Variants in CYFIP1 observed in about 807,000 individuals in gnomAD.
CYFIP1 encodes the protein cytoplasmic FMR1-interacting protein 1.
In CYFIP1, 58 loss-of-function variants were observed where a neutral mutation model predicts 163.5. The ratio of observed to expected loss-of-function variants is 0.35; its 90% CI spans 0.29 to 0.44. The LOEUF (loss-of-function observed/expected upper bound fraction) is 0.44. CYFIP1 is among the 20% of genes least tolerant of loss of function. The pLI is 1.00. For missense variants in CYFIP1, 1,338 were observed against 1,653.8 expected (o/e 0.81, Z 3.31); for synonymous variants, 663 against 660.7 (o/e 1.00, Z -0.05).
At chr15:22,954,881 C>T (rs1329611380) in intron 1 of CYFIP1, among the ~76,000 whole-genome samples, 2 of 152,052 alleles carry the variant, frequency 1.3e-5, no homozygotes, top group Non-Finnish European at 2.9e-5. Context: ...CCTCAGAGTC[C>T]CGGGTCAATC....
At chr15:22,889,448 G>C (rs1487583846) in intron 23 of CYFIP1, among the ~76,000 whole-genome samples, 1 of 152,168 alleles carries the variant, frequency 6.6e-6, no homozygotes, top group Admixed American at 6.5e-5. Context: ...AGAAAATCCT[G>C]GAGAATAAAA....
Position 22,873,425 on chromosome 15 carries a change from C to T in CYFIP1, c.3449+66G>A, listed in dbSNP as rs573990425. 253 of 1,351,100 alleles carry T rather than the reference C, an allele frequency of 1.9e-4. 2 individuals carry two copies. Among genetic ancestry groups the T allele is most frequent in the Middle Eastern group, 1.9e-4 (1 of 5,244 alleles). 83.7% of individuals were successfully genotyped at this position (1,351,100 alleles called of 1,614,324 possible). ...TGGCTGGCTGCTTGTTAGCCTAACA[C>T]GCCTCCCCTCCCCCACAGCTCCTCC... On this transcript the variant is annotated intron_variant, in intron 29 of 30. Coordinates refer to ENST00000617928, the MANE Select transcript of CYFIP1 (RefSeq NM_014608.6).
intron 1 of CYFIP1, among the ~76,000 whole-genome samples, chr15:22,960,628 T>C (rs1397754359): frequency 6.6e-6 from 1 of 152,234 alleles, no homozygotes; most frequent in South Asian, 2.1e-4. Context: ...ATATAAATCT[T>C]TTCCACCATT....
At chr15:22,932,411 A>G in intron 10 of CYFIP1, 71 bp from the exon 11 acceptor site, 1 of 1,072,432 alleles carries the variant, frequency 9.3e-7, no homozygotes, top group Admixed American at 3.3e-5. Flanking sequence ...GCAGCTCAGG[A>G]CGCCTGTTTG....
intron 26 of CYFIP1, among the ~76,000 whole-genome samples, chr15:22,878,211 G>A (rs2059639799): frequency 6.6e-6 from 1 of 152,230 alleles, no homozygotes; most frequent in African/African-American, 2.4e-5. Flanking sequence ...AAACAGGGCA[G>A]AGCAGAGAGC....
chr15:22,920,112 A>C (rs2061122916), intron 13 of CYFIP1, among the ~76,000 whole-genome samples: 3 of 151,906 alleles, frequency 2.0e-5, no homozygotes, highest in Non-Finnish European at 2.9e-5. Context: ...AACAAACAAA[A>C]AAAACCTTTT....
chr15:22,875,400 A>AC, intron 26 of CYFIP1, 129 bp from the exon 27 acceptor site: 2 of 816,398 alleles, frequency 2.4e-6, no homozygotes, highest in Non-Finnish European at 4.2e-6. Context: ...TATCTCTGTC[A>AC]AGAGATTTCT....
In CYFIP1 at chr15:22,933,801, C is replaced by G; in HGVS notation, c.992+1G>C. On this transcript the variant is annotated splice_donor_variant, in intron 10 of 30. Coordinates refer to ENST00000617928, the MANE Select transcript of CYFIP1 (RefSeq NM_014608.6). LOFTEE classifies it high-confidence loss of function. ...ACCAGGCAGCTTTCCTCTCCTCCTA[C>G]CGAGATTTATTTTCCTCGTAGTGGG... The G allele has an allele frequency of 6.2e-7, 1 of 1,611,548 alleles. No homozygotes were observed. The highest frequency in any genetic ancestry group is 8.5e-7 in the Non-Finnish European group (1 of 1,178,648).
chr15:22,894,680 CTTAAT>C (rs910391307), intron 22 of CYFIP1, among the ~76,000 whole-genome samples: 13 of 151,506 alleles, frequency 8.6e-5, no homozygotes, highest in African/African-American at 3.2e-4. Context: ...GAAAGCAGGC[CTTAAT>C]TTATTTTGTC....
At chr15:22,945,907 A>G (rs2062043370) in intron 3 of CYFIP1, among the ~76,000 whole-genome samples, 1 of 152,194 alleles carries the variant, frequency 6.6e-6, no homozygotes, top group Non-Finnish European at 1.5e-5. Context: ...ATTACACGAC[A>G]TAAAAGAGGA....
intron 9 of CYFIP1, 46 bp from the exon 10 acceptor site, chr15:22,933,939 C>G: frequency 2.9e-6 from 4 of 1,360,618 alleles, no homozygotes; most frequent in Non-Finnish European, 3.1e-6. Context: ...TATATTTAGT[C>G]ACCAAATACA....
At chr15:22,877,798 G>A (rs1039774840) in intron 26 of CYFIP1, among the ~76,000 whole-genome samples, 2 of 152,226 alleles carry the variant, frequency 1.3e-5, no homozygotes, top group African/African-American at 4.8e-5. Context: ...AAACCACCAG[G>A]AGAGGGTCTG....
chr15:22,963,656 T>C (rs866816609), intron 1 of CYFIP1, among the ~76,000 whole-genome samples: 49 of 152,052 alleles, frequency 3.2e-4, no homozygotes, highest in African/African-American at 1.1e-3. Context: ...CAAGCGGAAG[T>C]GTGTTTTGGT....
intron 13 of CYFIP1, among the ~76,000 whole-genome samples, chr15:22,924,282 G>A (rs2061290366): frequency 6.6e-6 from 1 of 152,050 alleles, no homozygotes; most frequent in East Asian, 1.9e-4. Flanking sequence ...AAATTAGCCG[G>A]GCGTGGTGGT....
chr15:22,874,617 T>C lies in CYFIP1; in HGVS notation c.3143A>G (p.Lys1048Arg), dbSNP rs2059531421. The C allele has an allele frequency of 3.7e-6, 6 of 1,604,504 alleles. No individual in the cohort carries two copies. Among genetic ancestry groups the C allele is most frequent in the Admixed American group, 1.7e-5 (1 of 57,576 alleles). The change falls in exon 28 of 31, where the codon AAA becomes AGA. Residue 1048 changes from lysine (K) to arginine (R), a missense_variant. Physicochemically the swap from Lys to Arg is conservative, Grantham distance 26 (BLOSUM62 2). Coordinates refer to ENST00000617928, the MANE Select transcript of CYFIP1 (RefSeq NM_014608.6). The part of the protein sequence containing the change: ...KEGERLDAKM[K>R]RLESKYAPLH... Reference sequence around the variant, plus strand: ...CGGGGCGTACTTTGATTCTAGTCTTTTCATTTTGGCATCAAGTCTCTCCCC... The same window carrying C: ...CGGGGCGTACTTTGATTCTAGTCTTCTCATTTTGGCATCAAGTCTCTCCCC...
intron 1 of CYFIP1, chr15:22,951,642 G>C: frequency 2.0e-6 from 2 of 1,014,064 alleles, no homozygotes; most frequent in Middle Eastern, 4.2e-4. Context: ...GGCCCCACGC[G>C]GGTCAACAAG....
chr15:22,892,049 G>C (rs1458340209), intron 23 of CYFIP1, among the ~76,000 whole-genome samples: 1 of 152,166 alleles, frequency 6.6e-6, no homozygotes, highest in Non-Finnish European at 1.5e-5. Context: ...GCAGAGCCCG[G>C]GGACACCGCA....
chr15:22,943,389 G>T, intron 5 of CYFIP1, 35 bp from the exon 6 acceptor site: 1 of 1,601,932 alleles, frequency 6.2e-7, no homozygotes, highest in Non-Finnish European at 8.5e-7. Context: ...GAAAGCTGCA[G>T]GTCAGTGAGG....
chr15:22,909,760 T>C (rs1595572923), intron 20 of CYFIP1, among the ~76,000 whole-genome samples: 1 of 152,294 alleles, frequency 6.6e-6, no homozygotes, highest in East Asian at 1.9e-4. Flanking sequence ...GGGTACGCAG[T>C]AAGTGTACAT....
Sources: allele counts gnomAD v4.1 joint callset (sites outside exome capture counted in the v4.1 genomes callset), GRCh38; gene constraint gnomAD v4.1.1; transcripts MANE v1.5; gene names NCBI Gene and HGNC (gene_info 2026-07-23, HGNC 2026-07-21).